SFRP1: variants seen among roughly 807,000 people sequenced by gnomAD.
SFRP1 encodes the protein secreted frizzled related protein 1, also known as secreted frizzled-related protein 1.
SFRP1 carries 9 observed loss-of-function variants against 25.9 expected under a neutral mutation model. The ratio of observed to expected loss-of-function variants is 0.35; its 90% CI spans 0.21 to 0.61. SFRP1 has a LOEUF of 0.61. Among genes scored for constraint, SFRP1 ranks in the 20% least tolerant of loss-of-function variants. SFRP1 has a pLI of 0.78. For synonymous variants in SFRP1, 178 were observed against 174.0 expected (o/e 1.02, Z -0.18); for missense variants, 346 against 418.2 (o/e 0.83, Z 1.51).
Position 41,263,139 on chromosome 8 carries a change from G to A in SFRP1, c.*2028C>T, listed in dbSNP as rs762647617. The A allele has an allele frequency of 1.3e-5, 2 of 152,618 alleles. No homozygotes were observed. The highest frequency in any genetic ancestry group is 1.3e-4 in the Admixed American group (2 of 15,290). The allele number at this position is 152,618 out of a possible 1,614,324, so 9.5% of individuals were successfully genotyped here. A position where few individuals can be genotyped will look rare whatever the true frequency, so the allele number is the denominator to read the frequency against. On this transcript the variant is annotated 3_prime_UTR_variant, in exon 3 of 3. Transcript: ENST00000220772. ...TGCATGAGGCACTTTGTCAAAATGA[G>A]CAGATACGTATGAGCACTGAACTCT...
intron 2 of SFRP1, chr8:41,275,223 A>T (rs6998772): frequency 0.13 from 60,278 of 448,484 alleles, 7,134 homozygotes; most frequent in East Asian, 0.37. Flanking sequence ...GAGCTTTATG[A>T]TTCATACAGC....
chr8:41,264,443 C>T lies in SFRP1; in HGVS notation c.*724G>A, dbSNP rs746801486. On this transcript the variant is annotated 3_prime_UTR_variant, in exon 3 of 3. Transcript: ENST00000220772. The stretch of plus-strand genomic sequence containing the variant: ...CAAAGGCAGGCACAGGCTGCCCCTC[C>T]ACATGTCTTGGGGATCAGATCATGC... 1.3e-5 allele frequency: 2 copies of T among 152,210 alleles called. No homozygotes were observed. Among genetic ancestry groups the T allele is most frequent in the Non-Finnish European group, 2.9e-5 (2 of 68,048 alleles). 9.4% of individuals were successfully genotyped at this position (152,210 alleles called of 1,614,324 possible).
chr8:41,302,581 T>C (rs1044465598), intron 2 of SFRP1, among the ~76,000 whole-genome samples: 1 of 152,232 alleles, frequency 6.6e-6, no homozygotes, highest in African/African-American at 2.4e-5. Context: ...CTGAGTCTTC[T>C]GAAAGTGTGG....
intron 2 of SFRP1, among the ~76,000 whole-genome samples, chr8:41,295,799 C>T (rs1803837364): frequency 6.6e-6 from 1 of 151,386 alleles, no homozygotes; most frequent in Non-Finnish European, 1.5e-5. Context: ...AAGATGACTT[C>T]ACCCCCTGCC....
intron 2 of SFRP1, among the ~76,000 whole-genome samples, chr8:41,296,930 C>G (rs1346206852): frequency 6.6e-6 from 1 of 152,218 alleles, no homozygotes; most frequent in African/African-American, 2.4e-5. Context: ...TGTCATCTCA[C>G]TAAAACCCAG....
intron 2 of SFRP1, among the ~76,000 whole-genome samples, chr8:41,284,567 AT>A (rs1803675375): frequency 6.6e-6 from 1 of 152,174 alleles, no homozygotes; most frequent in Non-Finnish European, 1.5e-5. Flanking sequence ...GACCTCCAGC[AT>A]GGCTGACAAC....
At chr8:41,294,225 A>G (rs1346678954) in intron 2 of SFRP1, among the ~76,000 whole-genome samples, 1 of 152,204 alleles carries the variant, frequency 6.6e-6, no homozygotes, top group East Asian at 1.9e-4. Context: ...CTCAGGGTTT[A>G]AAGTGCTTAT....
At chr8:41,285,352 T>C (rs1803686054) in intron 2 of SFRP1, among the ~76,000 whole-genome samples, 1 of 151,820 alleles carries the variant, frequency 6.6e-6, no homozygotes, top group Non-Finnish European at 1.5e-5. Flanking sequence ...CTTCACACAC[T>C]CATTTCCGGA....
At chr8:41,272,865 C>T (rs1347006549) in intron 2 of SFRP1, among the ~76,000 whole-genome samples, 1 of 152,124 alleles carries the variant, frequency 6.6e-6, no homozygotes, top group Non-Finnish European at 1.5e-5. Flanking sequence ...AAACAACACC[C>T]AGCTCAAAGA....
intron 2 of SFRP1, among the ~76,000 whole-genome samples, chr8:41,291,029 C>G (rs1272772480): frequency 6.7e-6 from 1 of 150,314 alleles, no homozygotes; most frequent in Non-Finnish European, 1.5e-5. Context: ...GCCTCAGCCT[C>G]CTGAGTAGCT....
chr8:41,298,439 C>T (rs1005500055), intron 2 of SFRP1, among the ~76,000 whole-genome samples: 2 of 151,894 alleles, frequency 1.3e-5, no homozygotes, highest in Non-Finnish European at 2.9e-5. Flanking sequence ...GACAGTCTTG[C>T]TCTGTTGCCC....
chr8:41,306,716 G>A, intron 1 of SFRP1: 1 of 1,597,658 alleles, frequency 6.3e-7, no homozygotes, highest in South Asian at 1.1e-5. Flanking sequence ...TTGGGAGGGT[G>A]ACTACCTGAG....
chr8:41,284,173 G>A (rs1262581435), intron 2 of SFRP1, among the ~76,000 whole-genome samples: 1 of 152,168 alleles, frequency 6.6e-6, no homozygotes, highest in East Asian at 1.9e-4. Flanking sequence ...ATAAGAAAGA[G>A]TCTGGTTCAT....
intron 1 of SFRP1, among the ~76,000 whole-genome samples, chr8:41,305,230 G>C (rs1364760263): frequency 6.6e-6 from 1 of 152,184 alleles, no homozygotes; most frequent in Non-Finnish European, 1.5e-5. Context: ...ATACAATCTT[G>C]ACCAAATAGT....
chr8:41,295,534 A>T (rs1803833732), intron 2 of SFRP1, among the ~76,000 whole-genome samples: 1 of 151,324 alleles, frequency 6.6e-6, no homozygotes, highest in South Asian at 2.1e-4. Flanking sequence ...TGTCTCAAAA[A>T]AAAAAAAAAA....
At chr8:41,299,347 T>C (rs925087638) in intron 2 of SFRP1, among the ~76,000 whole-genome samples, 3 of 151,804 alleles carry the variant, frequency 2.0e-5, no homozygotes, top group Admixed American at 2.0e-4. Context: ...CATGTCTAAT[T>C]TTACTTTGAC....
In SFRP1 at chr8:41,309,136, C is replaced by T. The variant is rs1482643040; in HGVS notation, c.24G>A (p.Gly8=). The change falls in exon 1 of 3, where the codon GGG becomes GGA. Residue 8 remains glycine, a synonymous_variant. Coordinates refer to ENST00000220772, the MANE Select transcript of SFRP1 (RefSeq NM_003012.5). MGIGRSE[G]GRRGAALGVL... The stretch of plus-strand genomic sequence containing the variant: ...CGCCCAGGGCTGCCCCGCGGCGGCC[C>T]CCCTCGCTGCGCCCGATGCCCATGC... 8 of 1,431,008 alleles carry T rather than the reference C, an allele frequency of 5.6e-6. No individual in the cohort carries two copies. Among genetic ancestry groups the T allele is most frequent in the Non-Finnish European group, 6.3e-6 (7 of 1,107,544 alleles). The allele number at this position is 1,431,008 out of a possible 1,614,324, so 88.6% of individuals were successfully genotyped here.
At chr8:41,299,404 G>A in intron 2 of SFRP1, among the ~76,000 whole-genome samples, 1 of 144,652 alleles carries the variant, frequency 6.9e-6, no homozygotes, top group South Asian at 2.2e-4. Context: ...ATGTATACAT[G>A]TATATGCTCA....
chr8:41,303,429 C>A, intron 2 of SFRP1, 32 bp downstream of exon 2: 1 of 1,568,302 alleles, frequency 6.4e-7, no homozygotes, highest in Non-Finnish European at 8.8e-7. Flanking sequence ...AGGTTCCAAA[C>A]CTTCCAGAGG....
Sources: gnomAD v4.1 joint callset for allele counts (sites outside exome capture counted in the v4.1 genomes callset) on GRCh38, gnomAD v4.1.1 for gene constraint, MANE v1.5 for transcripts, NCBI Gene and HGNC (gene_info 2026-07-23, HGNC 2026-07-21) for gene names.